MLLT3: variants seen among roughly 807,000 people sequenced by gnomAD.
The protein encoded by MLLT3 is MLLT3 super elongation complex subunit.
In MLLT3, 4 loss-of-function variants were observed where a neutral mutation model predicts 53.2. That is an observed-to-expected ratio of 0.08 (90% CI 0.04 to 0.17). MLLT3 has a LOEUF of 0.17. MLLT3 is among the 10% of genes least tolerant of loss of function. The pLI is 1.00. For missense variants in MLLT3, 569 were observed against 684.0 expected, an observed-to-expected ratio of 0.83 and a Z score of 1.87; for synonymous variants, 283 against 230.6, an observed-to-expected ratio of 1.23 and a Z score of -2.06.
intron 2 of MLLT3, among the ~76,000 whole-genome samples, chr9:20,592,780 G>A (rs1820161224): frequency 6.6e-6 from 1 of 152,130 alleles, no homozygotes. Context: ...CTCCTAGAAT[G>A]CAGGTGCACT....
At chr9:20,600,583 C>T (rs1587120067) in intron 2 of MLLT3, among the ~76,000 whole-genome samples, 1 of 152,298 alleles carries the variant, frequency 6.6e-6, no homozygotes, top group East Asian at 1.9e-4. Flanking sequence ...ACCTATTTCC[C>T]GATTAAGGAA....
chr9:20,372,821 A>AG (rs1322207651), intron 5 of MLLT3, among the ~76,000 whole-genome samples: 1 of 152,152 alleles, frequency 6.6e-6, no homozygotes, highest in Non-Finnish European at 1.5e-5. Flanking sequence ...GACTATGACT[A>AG]GCTGAAGGCC....
At chr9:20,379,296 CA>C (rs1821851580) in intron 5 of MLLT3, among the ~76,000 whole-genome samples, 1 of 152,064 alleles carries the variant, frequency 6.6e-6, no homozygotes, top group Non-Finnish European at 1.5e-5. Flanking sequence ...AGAAGCACAA[CA>C]CTTTAAATAC....
intron 2 of MLLT3, among the ~76,000 whole-genome samples, chr9:20,591,028 T>C (rs1205968086): frequency 6.6e-6 from 1 of 152,158 alleles, no homozygotes; most frequent in Non-Finnish European, 1.5e-5. Flanking sequence ...GGGATTAAAG[T>C]TGTGACCCAC....
At chr9:20,556,484 A>G (rs928570202) in intron 2 of MLLT3, among the ~76,000 whole-genome samples, 3 of 152,106 alleles carry the variant, frequency 2.0e-5, no homozygotes, top group Admixed American at 6.5e-5. Context: ...GGAGTTCGAG[A>G]CCAGCCTGGC....
intron 2 of MLLT3, among the ~76,000 whole-genome samples, chr9:20,468,292 T>A (rs1228234221): frequency 1.3e-5 from 2 of 152,234 alleles, no homozygotes; most frequent in African/African-American, 4.8e-5. Context: ...GCCATCAGTA[T>A]AATTAAATAT....
At chr9:20,594,290 G>A (rs536774488) in intron 2 of MLLT3, among the ~76,000 whole-genome samples, 9 of 152,044 alleles carry the variant, frequency 5.9e-5, no homozygotes, top group South Asian at 4.2e-4. Flanking sequence ...ATCACCTTTC[G>A]TTGGAACTCA....
chr9:20,420,456 A>C (rs1251823102), intron 4 of MLLT3, among the ~76,000 whole-genome samples: 1 of 152,234 alleles, frequency 6.6e-6, no homozygotes, highest in Non-Finnish European at 1.5e-5. Context: ...GTGCTAGATT[A>C]ATATCAGATC....
At chr9:20,612,115 T>A (rs1255221102) in intron 2 of MLLT3, among the ~76,000 whole-genome samples, 1 of 152,164 alleles carries the variant, frequency 6.6e-6, no homozygotes, top group African/African-American at 2.4e-5. Flanking sequence ...TCTGCTAATA[T>A]AAGTGAATTA....
At chr9:20,438,184 A>G (rs1430336957) in intron 4 of MLLT3, among the ~76,000 whole-genome samples, 4 of 152,236 alleles carry the variant, frequency 2.6e-5, no homozygotes, top group Non-Finnish European at 5.9e-5. Flanking sequence ...TGTATTTATT[A>G]TTTCTCCAGA....
intron 2 of MLLT3, among the ~76,000 whole-genome samples, chr9:20,550,699 G>A (rs1422468951): frequency 6.6e-6 from 1 of 152,102 alleles, no homozygotes; most frequent in East Asian, 1.9e-4. Flanking sequence ...GTGCCCAGCT[G>A]TGTGTATTTT....
intron 2 of MLLT3, among the ~76,000 whole-genome samples, chr9:20,596,343 G>A (rs924738267): frequency 2.0e-5 from 3 of 152,104 alleles, no homozygotes; most frequent in African/African-American, 4.8e-5. Context: ...GATTTAAGAC[G>A]TCCCTATTTT....
chr9:20,587,804 T>C (rs1404610274), intron 2 of MLLT3, among the ~76,000 whole-genome samples: 3 of 152,142 alleles, frequency 2.0e-5, no homozygotes, highest in Non-Finnish European at 4.4e-5. Context: ...CTGTTCACTC[T>C]GATGGTAGTT....
chr9:20,406,130 GA>G (rs200383994), intron 5 of MLLT3, among the ~76,000 whole-genome samples: 1 of 151,390 alleles, frequency 6.6e-6, no homozygotes, highest in African/African-American at 2.4e-5. Context: ...AAGAAAAAAA[GA>G]AAAAAAAGCC....
At chr9:20,559,724 A>T (rs1303060306) in intron 2 of MLLT3, among the ~76,000 whole-genome samples, 1 of 152,138 alleles carries the variant, frequency 6.6e-6, no homozygotes, top group Non-Finnish European at 1.5e-5. Flanking sequence ...TGTGCTGTCA[A>T]ATGTTGTGTA....
At chr9:20,599,849 T>C (rs1300682104) in intron 2 of MLLT3, among the ~76,000 whole-genome samples, 1 of 152,178 alleles carries the variant, frequency 6.6e-6, no homozygotes, top group African/African-American at 2.4e-5. Context: ...TTAGTTAATC[T>C]TCAGTCTTGG....
At chr9:20,464,780 GC>G (rs1279604104) in intron 2 of MLLT3, among the ~76,000 whole-genome samples, 1 of 152,002 alleles carries the variant, frequency 6.6e-6, no homozygotes, top group Non-Finnish European at 1.5e-5. Flanking sequence ...GCACTACTTA[GC>G]CCCTTACCTG....
At chr9:20,429,506 A>G (rs1429437921) in intron 4 of MLLT3, among the ~76,000 whole-genome samples, 1 of 152,198 alleles carries the variant, frequency 6.6e-6, no homozygotes, top group East Asian at 1.9e-4. Flanking sequence ...TAAATGCAAA[A>G]ATTTTTGAAT....
In MLLT3 at chr9:20,555,143, C is replaced by T. The variant is rs139239103; in HGVS notation, c.193+65511G>A. ...CATCCCCTTCCCCAGGGTGGCCAGA[C>T]GAGTCTTCAGATAGCACTCCTCCTG... On this transcript the variant is annotated intron_variant, in intron 2 of 10. Coordinates refer to ENST00000380338, the MANE Select transcript of MLLT3 (RefSeq NM_004529.4). Among the ~76,000 whole-genome samples, 368 of 152,176 alleles carry T rather than the reference C, an allele frequency of 2.4e-3. 3 individuals are homozygous for T. Among genetic ancestry groups the T allele is most frequent in the African/African-American group, 8.5e-3 (351 of 41,502 alleles).
Sources: gnomAD v4.1 joint callset for allele counts (sites outside exome capture counted in the v4.1 genomes callset) on GRCh38, gnomAD v4.1.1 for gene constraint, MANE v1.5 for transcripts, NCBI Gene and HGNC (gene_info 2026-07-23, HGNC 2026-07-21) for gene names.